Variants in DPP10 observed in about 807,000 individuals in gnomAD.
DPP10 encodes dipeptidyl peptidase like 10, also known as inactive dipeptidyl peptidase 10.
Under a neutral mutation model 120.9 loss-of-function variants are expected in DPP10, and 33 were observed. That is an observed-to-expected ratio of 0.27 (90% CI 0.21 to 0.37). DPP10 has a LOEUF of 0.37. DPP10 is among the 10% of genes least tolerant of loss of function. The pLI is 1.00. For missense variants in DPP10, 816 were observed against 942.8 expected (o/e 0.87, Z 1.76); for synonymous variants, 337 against 326.1 (o/e 1.03, Z -0.36).
chr2:115,292,816 A>T (rs2060714059), intron 1 of DPP10, among the ~76,000 whole-genome samples: 1 of 152,148 alleles, frequency 6.6e-6, no homozygotes, highest in Non-Finnish European at 1.5e-5. Context: ...GTCCCATGGC[A>T]TATTAGGATG....
intron 5 of DPP10, among the ~76,000 whole-genome samples, chr2:115,618,068 A>G (rs1208597940): frequency 6.6e-6 from 1 of 152,136 alleles, no homozygotes; most frequent in Admixed American, 6.6e-5. Context: ...AACTTGAATT[A>G]TTTCTGGACT....
At chr2:115,686,755 T>C (rs1166748121) in intron 5 of DPP10, among the ~76,000 whole-genome samples, 1 of 152,026 alleles carries the variant, frequency 6.6e-6, no homozygotes, top group Non-Finnish European at 1.5e-5. Flanking sequence ...TTTGATATGG[T>C]ATATTGGAAT....
intron 1 of DPP10, among the ~76,000 whole-genome samples, chr2:115,145,470 T>G (rs1212093067): frequency 6.6e-6 from 1 of 152,222 alleles, no homozygotes; most frequent in Non-Finnish European, 1.5e-5. Flanking sequence ...TGCATTTTAA[T>G]AGCTTCACAG....
intron 2 of DPP10, among the ~76,000 whole-genome samples, chr2:115,313,145 C>T (rs2061652439): frequency 6.6e-6 from 1 of 152,102 alleles, no homozygotes; most frequent in African/African-American, 2.4e-5. Context: ...ATTGCTTGAA[C>T]CTGGGAGTCA....
intron 1 of DPP10, among the ~76,000 whole-genome samples, chr2:114,657,876 G>T (rs1267872414): frequency 6.6e-6 from 1 of 152,096 alleles, no homozygotes; most frequent in East Asian, 1.9e-4. Flanking sequence ...CATCCTAACT[G>T]CTATAAAGCT....
At chr2:115,389,927 C>T (rs1172470569) in intron 3 of DPP10, among the ~76,000 whole-genome samples, 1 of 152,134 alleles carries the variant, frequency 6.6e-6, no homozygotes, top group East Asian at 1.9e-4. Context: ...TTCCCTGAAA[C>T]TGAGTTATTA....
At chr2:115,254,508 G>GT (rs2105698610) in intron 1 of DPP10, among the ~76,000 whole-genome samples, 1 of 152,248 alleles carries the variant, frequency 6.6e-6, no homozygotes, top group African/African-American at 2.4e-5. Context: ...TTAAAATGCA[G>GT]TAACGCCCTT....
chr2:115,513,944 G>C (rs72826445), intron 4 of DPP10, among the ~76,000 whole-genome samples: 1 of 151,896 alleles, frequency 6.6e-6, no homozygotes, highest in African/African-American at 2.4e-5. Context: ...TCCTTAGAGC[G>C]GGGCTAAAAG....
intron 3 of DPP10, among the ~76,000 whole-genome samples, chr2:115,441,895 A>G (rs2072097907): frequency 1.4e-5 from 2 of 142,812 alleles, no homozygotes; most frequent in South Asian, 4.4e-4. Flanking sequence ...AGCTCACTTC[A>G]ACCTCCACTT....
At chr2:115,592,612 T>TG (rs2082734457) in intron 5 of DPP10, among the ~76,000 whole-genome samples, 3 of 150,592 alleles carry the variant, frequency 2.0e-5, no homozygotes, top group African/African-American at 7.3e-5. Flanking sequence ...AAAAATTAGC[T>TG]GGGCGTGGTG....
chr2:114,693,020 G>A (rs1460386093), intron 1 of DPP10, among the ~76,000 whole-genome samples: 1 of 151,840 alleles, frequency 6.6e-6, no homozygotes, highest in Middle Eastern at 3.2e-3. Flanking sequence ...ATGGGTCTTG[G>A]CCATTTATCC....
At chr2:115,345,484 A>T (rs1407137319) in intron 3 of DPP10, among the ~76,000 whole-genome samples, 1 of 152,208 alleles carries the variant, frequency 6.6e-6, no homozygotes, top group Non-Finnish European at 1.5e-5. Flanking sequence ...TATTGAGAGA[A>T]ATGACAAAAT....
chr2:115,582,848 TG>T (rs1364729930), intron 5 of DPP10, among the ~76,000 whole-genome samples: 2 of 152,228 alleles, frequency 1.3e-5, no homozygotes, highest in Admixed American at 1.3e-4. Flanking sequence ...CTTATTCTCT[TG>T]AATGCAAGTC....
intron 1 of DPP10, among the ~76,000 whole-genome samples, chr2:115,222,092 G>A (rs1439822384): frequency 6.6e-6 from 1 of 152,094 alleles, no homozygotes; most frequent in Non-Finnish European, 1.5e-5. Context: ...GGGAGAGCAG[G>A]TTTAGCAACA....
At chr2:115,801,072 G>A (rs1685173907) in intron 19 of DPP10, among the ~76,000 whole-genome samples, 1 of 152,144 alleles carries the variant, frequency 6.6e-6, no homozygotes, top group Non-Finnish European at 1.5e-5. Context: ...CATGAGCATG[G>A]AATGTTCTTC....
chr2:115,224,885 A>G (rs1235606622), intron 1 of DPP10, among the ~76,000 whole-genome samples: 1 of 152,168 alleles, frequency 6.6e-6, no homozygotes, highest in Admixed American at 6.5e-5. Context: ...AGAACTCTCA[A>G]TAGCTTTTGA....
intron 1 of DPP10, among the ~76,000 whole-genome samples, chr2:114,721,096 A>C (rs1056858987): frequency 6.6e-6 from 1 of 152,360 alleles, no homozygotes; most frequent in East Asian, 1.9e-4. Context: ...GTAGACTTCC[A>C]GTGCCTAGAT....
intron 1 of DPP10, among the ~76,000 whole-genome samples, chr2:114,909,786 A>T (rs1434235200): frequency 6.6e-6 from 1 of 152,034 alleles, no homozygotes; most frequent in South Asian, 2.1e-4. Context: ...ACAAACACAA[A>T]TCTTCTTTAT....
intron 5 of DPP10, among the ~76,000 whole-genome samples, chr2:115,575,664 G>A (rs1488279875): frequency 5.3e-5 from 8 of 152,086 alleles, no homozygotes; most frequent in Non-Finnish European, 8.8e-5. Flanking sequence ...GCAGAATAAT[G>A]ATCCCCCAAA....
Sources: allele counts gnomAD v4.1 joint callset (sites outside exome capture counted in the v4.1 genomes callset), GRCh38; gene constraint gnomAD v4.1.1; transcripts MANE v1.5; gene names NCBI Gene and HGNC (gene_info 2026-07-23, HGNC 2026-07-21).